PDZD2: variants seen among roughly 807,000 people sequenced by gnomAD.
PDZD2 encodes the protein PDZ domain containing 2, also known as PDZ domain-containing protein 2.
Under a neutral mutation model 220.7 loss-of-function variants are expected in PDZD2, and 90 were observed. The observed-to-expected ratio is 0.41, with a 90% CI of 0.34 to 0.49. PDZD2 has a LOEUF of 0.49. Among genes scored for constraint, PDZD2 ranks in the 20% least tolerant of loss-of-function variants. The pLI is 0.28. For missense variants in PDZD2, 3,174 were observed against 3,608.5 expected (o/e 0.88, Z 3.08); for synonymous variants, 1,375 against 1,450.5 (o/e 0.95, Z 1.18).
At chr5:31,920,236 AGC>A (rs1336594753) in intron 2 of PDZD2, among the ~76,000 whole-genome samples, 1 of 152,114 alleles carries the variant, frequency 6.6e-6, no homozygotes, top group Non-Finnish European at 1.5e-5. Flanking sequence ...GTGGGCTATG[AGC>A]GCGCCACTGC....
intron 10 of PDZD2, among the ~76,000 whole-genome samples, chr5:32,054,601 A>G (rs1738923436): frequency 6.6e-6 from 1 of 152,134 alleles, no homozygotes; most frequent in Non-Finnish European, 1.5e-5. Flanking sequence ...CTAGGATTAC[A>G]GGCATGAGCC....
At chr5:31,998,462 G>A (rs1326521086) in intron 4 of PDZD2, among the ~76,000 whole-genome samples, 2 of 152,204 alleles carry the variant, frequency 1.3e-5, no homozygotes, top group Non-Finnish European at 1.5e-5. Flanking sequence ...GAGAAAAGCT[G>A]TTGAAGGAAG....
intron 2 of PDZD2, among the ~76,000 whole-genome samples, chr5:31,880,742 C>CTCTTATAA (rs1218674902): frequency 3.3e-4 from 49 of 146,898 alleles, no homozygotes; most frequent in African/African-American, 1.2e-3. Context: ...TAAACATGAG[C>CTCTTATAA]TCTTATAACC....
At chr5:32,064,537 C>G (rs1740020839) in intron 14 of PDZD2, among the ~76,000 whole-genome samples, 1 of 152,120 alleles carries the variant, frequency 6.6e-6, no homozygotes. Context: ...GCCACCACGC[C>G]CGGCCTCAAT....
chr5:31,994,317 T>G (rs189336903), intron 3 of PDZD2, among the ~76,000 whole-genome samples: 39 of 146,820 alleles, frequency 2.7e-4, no homozygotes, highest in East Asian at 6.0e-4. Flanking sequence ...CTGTTTTTTG[T>G]TTTTTTTTTA....
chr5:31,937,701 C>T (rs1318211260), intron 2 of PDZD2, among the ~76,000 whole-genome samples: 1 of 152,204 alleles, frequency 6.6e-6, no homozygotes, highest in Non-Finnish European at 1.5e-5. Context: ...TTTTAGAAAA[C>T]TTTTTCACCC....
intron 2 of PDZD2, chr5:31,841,105 G>T: frequency 4.7e-6 from 1 of 211,218 alleles, no homozygotes; most frequent in Non-Finnish European, 9.4e-6. Context: ...GTTCAGTAAG[G>T]CATAAAGAAG....
intron 1 of PDZD2, among the ~76,000 whole-genome samples, chr5:31,735,967 A>G (rs1257016021): frequency 6.6e-6 from 1 of 152,078 alleles, no homozygotes; most frequent in Non-Finnish European, 1.5e-5. Context: ...AAAACAAAAA[A>G]AACTCCAAAT....
chr5:31,689,353 A>ATATATATATATTTTTTTTTT, intron 1 of PDZD2, among the ~76,000 whole-genome samples: 4 of 35,120 alleles, frequency 1.1e-4, no homozygotes, highest in African/African-American at 4.2e-4. Context: ...ATATATATAT[A>ATATATATATATTTTTTTTTT]TTTTTTTTTT....
intron 2 of PDZD2, among the ~76,000 whole-genome samples, chr5:31,858,832 C>G (rs1236702031): frequency 1.3e-5 from 2 of 151,986 alleles, no homozygotes; most frequent in African/African-American, 4.8e-5. Flanking sequence ...GATTCTTGTG[C>G]CTCAGCCTCC....
chr5:31,965,219 A>G (rs551178470), intron 2 of PDZD2, among the ~76,000 whole-genome samples: 3 of 152,322 alleles, frequency 2.0e-5, no homozygotes, highest in African/African-American at 7.2e-5. Flanking sequence ...CCATACAGAG[A>G]CGGAGGAGAG....
At chr5:31,906,425 G>A (rs1252950990) in intron 2 of PDZD2, among the ~76,000 whole-genome samples, 2 of 151,468 alleles carry the variant, frequency 1.3e-5, no homozygotes, top group Non-Finnish European at 2.9e-5. Flanking sequence ...ACCCAGACTA[G>A]TCTTGAACTC....
At chr5:32,028,662 ATTT>A (rs749566544) in intron 6 of PDZD2, among the ~76,000 whole-genome samples, 25 of 66,930 alleles carry the variant, frequency 3.7e-4, no homozygotes, top group Non-Finnish European at 7.9e-4. Context: ...TGCTCCTTCT[ATTT>A]TTTTTTTTTG....
Position 31,939,303 on chromosome 5 carries a change from T to G in PDZD2, c.477-43852T>G, listed in dbSNP as rs567075923. Among the ~76,000 whole-genome samples, 9 of 152,306 alleles carry G rather than the reference T, an allele frequency of 5.9e-5. No homozygotes were observed. The South Asian group carries it at 1.7e-3, about 28-fold the overall frequency. ...TGCTGTTCCTGTATGCACTGGAATTTCAGACACAGTCAGAAACCTGATTTG... is the reference window on the plus strand; with the variant it reads ...TGCTGTTCCTGTATGCACTGGAATTGCAGACACAGTCAGAAACCTGATTTG... On this transcript the variant is annotated intron_variant, in intron 2 of 24. Coordinates refer to ENST00000438447, the MANE Select transcript of PDZD2 (RefSeq NM_178140.4).
chr5:31,715,268 A>C (rs1748377285), intron 1 of PDZD2, among the ~76,000 whole-genome samples: 1 of 152,140 alleles, frequency 6.6e-6, no homozygotes, highest in South Asian at 2.1e-4. Context: ...GAAGAAACTA[A>C]TTCTTCAAGA....
In PDZD2 at chr5:32,098,602, C is replaced by A; in HGVS notation, c.8186C>A (p.Ser2729Tyr). ...PPTANGKGLL[S>Y]RKTIPLEPGI... Reference sequence around the variant, plus strand: ...ACAGCCAATGGGAAGGGTTTGCTGTCCAGAAAGACCATCCCCCTGGAGCCT... The same window carrying A: ...ACAGCCAATGGGAAGGGTTTGCTGTACAGAAAGACCATCCCCCTGGAGCCT... Residue 2729 changes from serine to tyrosine, a missense_variant, in exon 23 of 25, where the codon TCC becomes TAC. Ser to Tyr is a moderately radical substitution (Grantham distance 144, BLOSUM62 -2). Coordinates refer to ENST00000438447, the MANE Select transcript of PDZD2 (RefSeq NM_178140.4). The surrounding 1 kb of genome is among the most constrained non-coding windows in gnomAD (Gnocchi z 4.1). The A allele has an allele frequency of 6.2e-7, 1 of 1,613,996 alleles. No homozygotes were observed.
intron 2 of PDZD2, among the ~76,000 whole-genome samples, chr5:31,837,543 T>G (rs2150278920): frequency 1.3e-5 from 2 of 152,248 alleles, no homozygotes; most frequent in East Asian, 3.9e-4. Context: ...GCCAACCTGG[T>G]GAAACCCTGT....
intron 1 of PDZD2, among the ~76,000 whole-genome samples, chr5:31,689,353 A>ATATATATATATATATATATTT: frequency 2.8e-5 from 1 of 35,122 alleles, no homozygotes; most frequent in African/African-American, 2.1e-4. Flanking sequence ...ATATATATAT[A>ATATATATATATATATATATTT]TTTTTTTTTT....
chr5:31,859,809 T>C (rs1737515597), intron 2 of PDZD2, among the ~76,000 whole-genome samples: 1 of 152,168 alleles, frequency 6.6e-6, no homozygotes, highest in South Asian at 2.1e-4. Context: ...CATAGAACAA[T>C]GTCTCAGAAT....
Sources: allele counts gnomAD v4.1 joint callset (sites outside exome capture counted in the v4.1 genomes callset), GRCh38; gene constraint gnomAD v4.1.1; non-coding constraint Gnocchi (gnomAD v3.1); transcripts MANE v1.5; gene names NCBI Gene and HGNC (gene_info 2026-07-23, HGNC 2026-07-21).